The following KCNAB1 variants were observed in gnomAD, a reference collection of about 807,000 sequenced individuals.
KCNAB1 encodes the protein potassium voltage-gated channel subfamily A regulatory beta subunit 1, also known as voltage-gated potassium channel subunit beta-1.
A neutral mutation model predicts 64.6 loss-of-function variants in KCNAB1; 35 were observed. That is an observed-to-expected ratio of 0.54 (90% CI 0.41 to 0.72). The LOEUF (loss-of-function observed/expected upper bound fraction) is 0.72, where lower values mean the gene tolerates loss of function less well. Ranked by LOEUF, KCNAB1 falls within the 30% of genes least tolerant of loss-of-function variation. KCNAB1 has a pLI of 0.00. For missense variants in KCNAB1, 401 were observed against 512.9 expected (o/e 0.78, Z 2.11); for synonymous variants, 177 against 183.8 (o/e 0.96, Z 0.30).
At chr3:156,477,540 C>A (rs74654278) in intron 8 of KCNAB1, among the ~76,000 whole-genome samples, 1,750 of 152,242 alleles carry the variant, frequency 0.011, 10 homozygotes, top group Non-Finnish European at 0.017. Flanking sequence ...TCTGGGAGGA[C>A]CCTGCAGGGA....
chr3:156,529,623 T>C (rs1032888139), intron 12 of KCNAB1, among the ~76,000 whole-genome samples: 3 of 152,150 alleles, frequency 2.0e-5, no homozygotes, highest in African/African-American at 7.2e-5. Flanking sequence ...ACAATGGGTG[T>C]TTCACAGGCC....
chr3:156,415,667 C>T (rs1011599409), intron 1 of KCNAB1, among the ~76,000 whole-genome samples: 6 of 152,216 alleles, frequency 3.9e-5, no homozygotes, highest in African/African-American at 1.2e-4. Flanking sequence ...CTTTCCTGAT[C>T]TCCATGTACA....
At chr3:156,525,349 G>C (rs1406109457) in intron 12 of KCNAB1, among the ~76,000 whole-genome samples, 2 of 150,546 alleles carry the variant, frequency 1.3e-5, no homozygotes, top group Admixed American at 1.3e-4. Flanking sequence ...GAGTGTGTCT[G>C]TGTCTTAGTT....
intron 1 of KCNAB1, among the ~76,000 whole-genome samples, chr3:156,196,060 T>C (rs1713906863): frequency 6.6e-6 from 1 of 152,222 alleles, no homozygotes; most frequent in Admixed American, 6.5e-5. Context: ...TCCCCATTTC[T>C]TGTTTTTGTC....
intron 8 of KCNAB1, among the ~76,000 whole-genome samples, chr3:156,505,676 G>A (rs1439120982): frequency 6.6e-6 from 1 of 152,064 alleles, no homozygotes; most frequent in Non-Finnish European, 1.5e-5. Flanking sequence ...AGAAATACCT[G>A]AGGCTAGGTA....
In KCNAB1 at chr3:156,357,451, G is replaced by A. The variant is rs115889183; in HGVS notation, c.276-64165G>A. 6.0e-3 allele frequency among the ~76,000 whole-genome samples: 916 copies of A among 152,204 alleles called. 10 individuals carry two copies. Among genetic ancestry groups the A allele is most frequent in the African/African-American group, 0.02 (829 of 41,510 alleles). ...GTAATGTTTCACATACTTAATGACT[G>A]CATGACATGTACTACAAGATTCTGT... On this transcript the variant is annotated intron_variant, in intron 1 of 13. Transcript: ENST00000490337.
At chr3:156,308,148 G>A (rs550377686) in intron 1 of KCNAB1, among the ~76,000 whole-genome samples, 13 of 152,210 alleles carry the variant, frequency 8.5e-5, no homozygotes, top group Non-Finnish European at 1.8e-4. Context: ...TTCAGTAATA[G>A]ATTGGAAGAA....
chr3:156,350,764 A>T (rs997021213), intron 1 of KCNAB1, among the ~76,000 whole-genome samples: 1 of 152,256 alleles, frequency 6.6e-6, no homozygotes, highest in Non-Finnish European at 1.5e-5. Context: ...AATTTTCAGG[A>T]AAGCATTGCT....
intron 1 of KCNAB1, among the ~76,000 whole-genome samples, chr3:156,220,536 A>G (rs951656201): frequency 6.6e-6 from 1 of 152,188 alleles, no homozygotes; most frequent in Non-Finnish European, 1.5e-5. Flanking sequence ...GTGTCTGTTC[A>G]TATCCTTTGC....
intron 7 of KCNAB1, among the ~76,000 whole-genome samples, chr3:156,465,942 C>T (rs1384125341): frequency 1.3e-5 from 2 of 152,132 alleles, no homozygotes; most frequent in Non-Finnish European, 2.9e-5. Flanking sequence ...ATAAAACATT[C>T]TCATAAGACT....
chr3:156,354,122 A>ATATATATATATATATGTGTG (rs1560212820), intron 1 of KCNAB1, among the ~76,000 whole-genome samples: 2 of 69,556 alleles, frequency 2.9e-5, no homozygotes, highest in African/African-American at 1.1e-4. Context: ...GTGTGTGTGT[A>ATATATATATATATATGTGTG]TATATATATA....
intron 1 of KCNAB1, among the ~76,000 whole-genome samples, chr3:156,257,573 G>A (rs895346754): frequency 6.6e-6 from 1 of 152,114 alleles, no homozygotes; most frequent in Admixed American, 6.6e-5. Flanking sequence ...TTTGAAGCAG[G>A]TTCCTTTTGA....
At chr3:156,265,510 A>G (rs188526984) in intron 1 of KCNAB1, among the ~76,000 whole-genome samples, 6 of 152,090 alleles carry the variant, frequency 3.9e-5, no homozygotes, top group African/African-American at 1.4e-4. Flanking sequence ...GGATTCTTTC[A>G]TGTGGACGTG....
At chr3:156,526,576 C>T (rs988668554) in intron 12 of KCNAB1, among the ~76,000 whole-genome samples, 2 of 152,168 alleles carry the variant, frequency 1.3e-5, no homozygotes, top group South Asian at 2.1e-4. Flanking sequence ...TCAATAGCCA[C>T]GTGCTGCCAA....
At chr3:156,195,119 C>G (rs1713830497) in intron 1 of KCNAB1, among the ~76,000 whole-genome samples, 3 of 152,126 alleles carry the variant, frequency 2.0e-5, no homozygotes, top group South Asian at 2.1e-4. Flanking sequence ...ATGACCTTAT[C>G]CTTTTTTATG....
chr3:156,139,584 G>GTTTTT (rs386398329), intron 1 of KCNAB1, among the ~76,000 whole-genome samples: 583 of 55,250 alleles, frequency 0.011, 108 homozygotes, highest in Middle Eastern at 0.022. Flanking sequence ...ATTGTACTGT[G>GTTTTT]TTTTTTTTTT....
intron 1 of KCNAB1, among the ~76,000 whole-genome samples, chr3:156,384,226 A>G (rs1310541572): frequency 1.3e-5 from 2 of 152,244 alleles, no homozygotes; most frequent in Non-Finnish European, 2.9e-5. Context: ...CAGAGTGGCT[A>G]AAGCTGATAC....
chr3:156,410,660 C>A (rs1714583301), intron 1 of KCNAB1, among the ~76,000 whole-genome samples: 1 of 152,216 alleles, frequency 6.6e-6, no homozygotes, highest in Non-Finnish European at 1.5e-5. Flanking sequence ...ATCCTGGTAA[C>A]TACACACCTG....
chr3:156,198,048 C>T (rs973631651), intron 1 of KCNAB1, among the ~76,000 whole-genome samples: 1 of 152,130 alleles, frequency 6.6e-6, no homozygotes, highest in Non-Finnish European at 1.5e-5. Context: ...GTTATTTACC[C>T]AGTAGTCATT....
Sources: gnomAD v4.1 joint callset for allele counts (sites outside exome capture counted in the v4.1 genomes callset) on GRCh38, gnomAD v4.1.1 for gene constraint, MANE v1.5 for transcripts, NCBI Gene and HGNC (gene_info 2026-07-23, HGNC 2026-07-21) for gene names.